ANK2: variants seen among roughly 807,000 people sequenced by gnomAD.
ANK2 encodes ankyrin-2.
In ANK2, 83 loss-of-function variants were observed where a neutral mutation model predicts 360.5. The ratio of observed to expected loss-of-function variants is 0.23; its 90% CI spans 0.19 to 0.28. The LOEUF (loss-of-function observed/expected upper bound fraction) is 0.28. ANK2 is among the 10% of genes least tolerant of loss of function. The pLI is 1.00. For missense variants in ANK2, 4,201 were observed against 4,795.7 expected (o/e 0.88, Z 3.66); for synonymous variants, 1,740 against 1,759.5 (o/e 0.99, Z 0.28).
chr4:113,144,428 T>A (rs1379108401), intron 1 of ANK2, among the ~76,000 whole-genome samples: 1 of 147,026 alleles, frequency 6.8e-6, no homozygotes, highest in Non-Finnish European at 1.5e-5. Context: ...TTAAAAAAAA[T>A]AATGGCAAAT....
chr4:113,333,130 A>G lies in ANK2; in HGVS notation c.3301A>G (p.Asn1101Asp), dbSNP rs2092841560. Reference protein sequence around the residue: ...ERELVVLRSENGDSWKEHFCD... With the variant: ...ERELVVLRSEDGDSWKEHFCD... ...GGAACTGGTGGTCCTGCGCAGTGAG[A>G]ATGGGGACAGCTGGAAAGAGCATTT... is the stretch of plus-strand genomic sequence containing the variant. Residue 1101 changes from asparagine (N) to aspartate (D), a missense_variant, in exon 29 of 46, where the codon AAT (asparagine) becomes GAT (aspartate). By Grantham distance (23) the Asn-to-Asp change is conservative (BLOSUM62 1). This residue lies in a region of ANK2 where 1,268 missense variants were observed against 1,650.8 expected (regional missense o/e 0.77). Coordinates refer to ENST00000357077, the MANE Select transcript of ANK2 (RefSeq NM_001148.6). The G allele has an allele frequency of 2.5e-6, 4 of 1,614,052 alleles. No individual in the cohort carries two copies. Among genetic ancestry groups the G allele is most frequent in the Admixed American group, 1.7e-5 (1 of 60,004 alleles).
chr4:112,753,161 A>G, the ANK2 span, among the ~76,000 whole-genome samples: 1 of 152,212 alleles, frequency 6.6e-6, no homozygotes, highest in Non-Finnish European at 1.5e-5. Flanking sequence ...AGCCTCACCA[A>G]GGTGCTTCTC....
intron 13 of ANK2, among the ~76,000 whole-genome samples, chr4:113,263,293 G>GA (rs927496891): frequency 1.3e-5 from 2 of 150,266 alleles, no homozygotes; most frequent in Admixed American, 1.3e-4. Context: ...GTCCAGGGAG[G>GA]AAAAATCTTG....
chr4:113,111,934 C>T (rs749961851), intron 1 of ANK2, among the ~76,000 whole-genome samples: 18 of 152,114 alleles, frequency 1.2e-4, no homozygotes, highest in Non-Finnish European at 2.5e-4. Context: ...ATTTTCATAT[C>T]CATGAGGACA....
intron 4 of ANK2, among the ~76,000 whole-genome samples, chr4:113,208,657 A>G (rs2098984044): frequency 6.6e-6 from 1 of 151,816 alleles, no homozygotes; most frequent in Admixed American, 6.5e-5. Context: ...ATGCACCAAC[A>G]TGCTGAACTA....
the ANK2 span, among the ~76,000 whole-genome samples, chr4:112,765,601 C>T: frequency 6.6e-6 from 1 of 151,480 alleles, no homozygotes; most frequent in Non-Finnish European, 1.5e-5. Context: ...CCCTTGCTTG[C>T]CTTTTACCTT....
At chr4:112,955,867 A>G (rs1411715235) in intron 2 of ANK2, among the ~76,000 whole-genome samples, 1 of 152,222 alleles carries the variant, frequency 6.6e-6, no homozygotes, top group Non-Finnish European at 1.5e-5. Flanking sequence ...TATAGCAAGT[A>G]TAGGGATTCA....
rs1334949783 is a variant in ANK2 at position 113,274,471 on chromosome 4, A to G, written c.1505A>G (p.His502Arg). 6.2e-7 allele frequency: 1 copy of G among 1,614,216 alleles called. No individual in the cohort carries two copies. Among genetic ancestry groups the G allele is most frequent in the Non-Finnish European group, 8.5e-7 (1 of 1,180,026 alleles). Residue 502 changes from histidine (H) to arginine (R), a missense_variant, in exon 15 of 46, where the codon CAT (histidine) becomes CGT (arginine). By Grantham distance (29) the His-to-Arg change is conservative. Around this residue, in one of 4 missense-constraint regions of ANK2, gnomAD observed 1,268 missense variants for 1,650.8 expected, o/e 0.77. Transcript: ENST00000357077. ...ARAREEQTPL[H>R]IASRLGKTEI... ...TTGTAGGAGGAACAGACACCTTTAC[A>G]TATTGCCTCCCGCCTGGGTAAGACA...
chr4:113,050,457 G>A (rs2066455986), intron 1 of ANK2, among the ~76,000 whole-genome samples: 2 of 152,106 alleles, frequency 1.3e-5, no homozygotes, highest in Admixed American at 1.3e-4. Flanking sequence ...CAGTCTGTAG[G>A]ATTTCTTACT....
intron 2 of ANK2, among the ~76,000 whole-genome samples, chr4:113,177,987 C>T (rs2098278972): frequency 2.6e-5 from 4 of 152,332 alleles, no homozygotes; most frequent in Admixed American, 2.6e-4. Flanking sequence ...GTTCTAATTA[C>T]AATTACTGTA....
At chr4:113,235,912 TTG>T (rs2099371047) in intron 5 of ANK2, among the ~76,000 whole-genome samples, 1 of 151,884 alleles carries the variant, frequency 6.6e-6, no homozygotes, top group Non-Finnish European at 1.5e-5. Flanking sequence ...CGGCTAATTT[TTG>T]TGTTTTTAGT....
chr4:112,917,724 T>G (rs563888932), intron 2 of ANK2, among the ~76,000 whole-genome samples: 43 of 152,368 alleles, frequency 2.8e-4, no homozygotes, highest in Non-Finnish European at 3.2e-4. Flanking sequence ...GGGGGTGAAT[T>G]CACATTAAGT....
chr4:113,371,750 T>C (rs2096745718), intron 43 of ANK2, among the ~76,000 whole-genome samples: 1 of 152,234 alleles, frequency 6.6e-6, no homozygotes, highest in African/African-American at 2.4e-5. Context: ...GTTTAGAATT[T>C]ACAGGTCTTC....
chr4:112,827,183 C>T, intron 1 of ANK2: 1 of 1,150,292 alleles, frequency 8.7e-7, no homozygotes, highest in South Asian at 1.2e-5. Flanking sequence ...TGTAGTGATA[C>T]CAGGTCACAC....
At chr4:112,919,982 A>G (rs2091032732) in intron 2 of ANK2, among the ~76,000 whole-genome samples, 2 of 152,076 alleles carry the variant, frequency 1.3e-5, no homozygotes, top group Non-Finnish European at 2.9e-5. Context: ...TTATACGTAG[A>G]GCTGAATAAT....
chr4:113,364,042 G>A (rs2096393137), intron 40 of ANK2, among the ~76,000 whole-genome samples: 1 of 152,148 alleles, frequency 6.6e-6, no homozygotes, highest in African/African-American at 2.4e-5. Flanking sequence ...TACTCAGCGA[G>A]CCCACCATAT....
At chr4:112,936,163 T>C in intron 2 of ANK2, among the ~76,000 whole-genome samples, 1 of 152,310 alleles carries the variant, frequency 6.6e-6, no homozygotes, top group African/African-American at 2.4e-5. Flanking sequence ...TGTCTGTCTC[T>C]GAAATTATGT....
intron 2 of ANK2, among the ~76,000 whole-genome samples, chr4:113,191,168 C>T (rs1490237596): frequency 2.6e-5 from 4 of 151,952 alleles, no homozygotes; most frequent in Admixed American, 6.6e-5. Context: ...GGTGAAACCC[C>T]GTCTCTACTA....
intron 14 of ANK2, 142 bp from the exon 15 acceptor site, chr4:113,274,310 C>A: frequency 1.1e-6 from 1 of 921,658 alleles, no homozygotes; most frequent in Non-Finnish European, 1.7e-6. Flanking sequence ...ATAAAATATG[C>A]CATGGTTAAA....
Sources: gnomAD v4.1 joint callset for allele counts (sites outside exome capture counted in the v4.1 genomes callset) on GRCh38, gnomAD v4.1.1 for gene constraint, gnomAD v4.1.1 regional missense constraint, MANE v1.5 for transcripts, NCBI Gene and HGNC (gene_info 2026-07-23, HGNC 2026-07-21) for gene names.